The following OTUD7A variants were observed in gnomAD, a reference collection of about 807,000 sequenced individuals.
OTUD7A encodes the protein OTU deubiquitinase 7A, also known as OTU domain-containing protein 7A.
Under a neutral mutation model 65.7 loss-of-function variants are expected in OTUD7A, and 12 were observed. The observed-to-expected ratio is 0.18, with a 90% CI of 0.12 to 0.30. OTUD7A has a LOEUF of 0.30. OTUD7A is among the 10% of genes least tolerant of loss of function. The pLI is 1.00. For synonymous variants in OTUD7A, 641 were observed against 586.3 expected (o/e 1.09, Z -1.35); for missense variants, 1,148 against 1,304.8 (o/e 0.88, Z 1.85).
chr15:31,661,564 T>C (rs1387761617), intron 1 of OTUD7A, among the ~76,000 whole-genome samples: 2 of 152,232 alleles, frequency 1.3e-5, no homozygotes, highest in East Asian at 1.9e-4. Context: ...CAATCATCAA[T>C]TCTTAGCCAA....
chr15:31,568,650 T>C (rs1308307401), intron 4 of OTUD7A, among the ~76,000 whole-genome samples: 1 of 152,234 alleles, frequency 6.6e-6, no homozygotes, highest in Non-Finnish European at 1.5e-5. Context: ...AAATCTCATA[T>C]TGAAATGCAA....
intron 8 of OTUD7A, among the ~76,000 whole-genome samples, chr15:31,515,607 T>TACCC (rs905565434): frequency 1.4e-5 from 2 of 143,498 alleles, no homozygotes; most frequent in African/African-American, 5.3e-5. Flanking sequence ...TCTATCCATC[T>TACCC]ACCCACCCAC....
chr15:31,692,626 C>T (rs1027389070), intron 1 of OTUD7A, among the ~76,000 whole-genome samples: 1 of 124,066 alleles, frequency 8.1e-6, no homozygotes, highest in African/African-American at 2.6e-5. Context: ...GTATTTGATA[C>T]CATAGTAGGA....
chr15:31,831,122 T>C lies in OTUD7A; in HGVS notation c.-100+39385A>G, dbSNP rs115270306. Among the ~76,000 whole-genome samples the C allele has an allele frequency of 9.1e-3, 1,380 of 152,212 alleles. 24 individuals are homozygous for C. The highest frequency in any genetic ancestry group is 0.032 in the African/African-American group (1,316 of 41,508). ...GGGTATCCACATAGAAAAAAGAAAC[T>C]TGAATCCCTACCTCACACTATACAC... On this transcript the variant is annotated intron_variant, in intron 1 of 12. Coordinates refer to ENST00000307050, the MANE Select transcript of OTUD7A (RefSeq NM_001382637.1).
At chr15:31,566,307 TG>T (rs1384592774) in intron 4 of OTUD7A, among the ~76,000 whole-genome samples, 1 of 151,888 alleles carries the variant, frequency 6.6e-6, no homozygotes, top group Non-Finnish European at 1.5e-5. Context: ...ACATTGTGTA[TG>T]GGAAAATATT....
chr15:31,581,543 G>A (rs1194148400), intron 3 of OTUD7A, among the ~76,000 whole-genome samples: 2 of 152,206 alleles, frequency 1.3e-5, no homozygotes, highest in Non-Finnish European at 2.9e-5. Context: ...TGAAATCTAG[G>A]TGGAGGTTCC....
intron 1 of OTUD7A, among the ~76,000 whole-genome samples, chr15:31,850,104 T>C (rs1158869489): frequency 1.3e-5 from 2 of 152,154 alleles, no homozygotes; most frequent in Non-Finnish European, 2.9e-5. Context: ...TAAAGACACA[T>C]GCACATGTAT....
intron 1 of OTUD7A, among the ~76,000 whole-genome samples, chr15:31,720,429 T>G (rs1013113046): frequency 1.7e-4 from 25 of 144,704 alleles, no homozygotes; most frequent in Admixed American, 1.4e-3. Flanking sequence ...TGAGACGGAG[T>G]CTCGCTGTCG....
chr15:31,647,235 C>T (rs1250901126), intron 3 of OTUD7A, among the ~76,000 whole-genome samples: 1 of 152,146 alleles, frequency 6.6e-6, no homozygotes, highest in Non-Finnish European at 1.5e-5. Context: ...TTCATGGTCC[C>T]TAGACCACCT....
intron 1 of OTUD7A, among the ~76,000 whole-genome samples, chr15:31,664,680 T>C (rs1168861068): frequency 2.6e-5 from 4 of 152,210 alleles, no homozygotes; most frequent in Non-Finnish European, 4.4e-5. Flanking sequence ...CAGCTATTTA[T>C]CTTTGTTTTT....
chr15:31,599,858 T>C (rs1890022867), intron 3 of OTUD7A, among the ~76,000 whole-genome samples: 1 of 151,876 alleles, frequency 6.6e-6, no homozygotes, highest in South Asian at 2.1e-4. Context: ...CAAATATCAA[T>C]AGCCGAGTCG....
At chr15:31,764,048 A>G (rs1895041042) in intron 1 of OTUD7A, among the ~76,000 whole-genome samples, 1 of 152,236 alleles carries the variant, frequency 6.6e-6, no homozygotes, top group Non-Finnish European at 1.5e-5. Flanking sequence ...CTCAGACAAG[A>G]GTGACACGGG....
At chr15:31,611,763 G>C (rs1199511480) in intron 3 of OTUD7A, among the ~76,000 whole-genome samples, 1 of 152,062 alleles carries the variant, frequency 6.6e-6, no homozygotes, top group Admixed American at 6.5e-5. Context: ...TATTCCACAA[G>C]ATAGAGAAAG....
chr15:31,735,467 G>T (rs1451485363), intron 1 of OTUD7A, among the ~76,000 whole-genome samples: 1 of 151,624 alleles, frequency 6.6e-6, no homozygotes, highest in Non-Finnish European at 1.5e-5. Flanking sequence ...GGCAGAGGTT[G>T]CAGTGAGCCA....
Position 31,587,130 on chromosome 15 carries a change from T to G in OTUD7A, c.152-16933A>C, listed in dbSNP as rs192091134. The stretch of plus-strand genomic sequence containing the variant: ...CATGCATCATGCTTGACTCTGTTCT[T>G]ACCCTCACACCCGACATCAGCAAGT... On this transcript the variant is annotated intron_variant, in intron 3 of 12. Coordinates refer to ENST00000307050, the MANE Select transcript of OTUD7A (RefSeq NM_001382637.1). Among the ~76,000 whole-genome samples the G allele has an allele frequency of 1.1e-3, 169 of 152,256 alleles. 3 individuals are homozygous for G. Among genetic ancestry groups the G allele is most frequent in the African/African-American group, 3.9e-3 (164 of 41,554 alleles).
intron 1 of OTUD7A, among the ~76,000 whole-genome samples, chr15:31,844,432 G>A (rs2140997553): frequency 6.6e-6 from 1 of 152,376 alleles, no homozygotes; most frequent in African/African-American, 2.4e-5. Flanking sequence ...AGGAGGCGGA[G>A]GTTGCAGTAA....
At chr15:31,720,255 T>C (rs956459089) in intron 1 of OTUD7A, among the ~76,000 whole-genome samples, 4 of 151,730 alleles carry the variant, frequency 2.6e-5, no homozygotes, top group Non-Finnish European at 5.9e-5. Context: ...CATCCAATAG[T>C]TGTTATTTAC....
At chr15:31,640,391 A>G (rs1595677957) in intron 3 of OTUD7A, among the ~76,000 whole-genome samples, 2 of 152,198 alleles carry the variant, frequency 1.3e-5, no homozygotes, top group East Asian at 1.9e-4. Context: ...CTGTACCCCA[A>G]TAACCTACGG....
chr15:31,762,759 CA>C (rs1895001571), intron 1 of OTUD7A, among the ~76,000 whole-genome samples: 1 of 152,172 alleles, frequency 6.6e-6, no homozygotes, highest in Admixed American at 6.5e-5. Context: ...CCTGATAAAA[CA>C]AACAAAATCA....
Sources: gnomAD v4.1 joint callset for allele counts (sites outside exome capture counted in the v4.1 genomes callset) on GRCh38, gnomAD v4.1.1 for gene constraint, MANE v1.5 for transcripts, NCBI Gene and HGNC (gene_info 2026-07-23, HGNC 2026-07-21) for gene names.